NOX4: variants seen among roughly 807,000 people sequenced by gnomAD.
NOX4 encodes the protein kidney oxidase-1.
NOX4 carries 69 observed loss-of-function variants against 87.6 expected under a neutral mutation model. The observed-to-expected ratio is 0.79, with a 90% CI of 0.65 to 0.96. The LOEUF (loss-of-function observed/expected upper bound fraction) is 0.96, where lower values mean the gene tolerates loss of function less well. Among genes scored for constraint, NOX4 ranks in the 40% least tolerant of loss-of-function variants. The pLI is 0.00. For missense variants in NOX4, 680 were observed against 681.5 expected (o/e 1.00, Z 0.02); for synonymous variants, 275 against 238.2 (o/e 1.15, Z -1.42).
intron 2 of NOX4, among the ~76,000 whole-genome samples, chr11:89,467,138 G>A (rs973614528): frequency 6.6e-6 from 1 of 151,816 alleles, no homozygotes; most frequent in African/African-American, 2.4e-5. Context: ...CACGAGATCA[G>A]GAGATCGAGA....
At chr11:89,445,171 CA>C (rs1260873461) in intron 4 of NOX4, among the ~76,000 whole-genome samples, 1 of 152,046 alleles carries the variant, frequency 6.6e-6, no homozygotes, top group Non-Finnish European at 1.5e-5. Context: ...GTGACAGAAA[CA>C]AAAGGCTTAA....
At chr11:89,421,569 T>G (rs2135262770) in intron 8 of NOX4, among the ~76,000 whole-genome samples, 1 of 152,284 alleles carries the variant, frequency 6.6e-6, no homozygotes, top group Admixed American at 6.5e-5. Flanking sequence ...GAAATACAAA[T>G]ACTAAAATAT....
intron 7 of NOX4, among the ~76,000 whole-genome samples, chr11:89,425,125 C>T (rs1943305769): frequency 6.6e-6 from 1 of 151,966 alleles, no homozygotes; most frequent in African/African-American, 2.4e-5. Flanking sequence ...ATGTCAGATG[C>T]TCTAATTTTC....
chr11:89,481,013 C>T (rs933455027), intron 2 of NOX4, among the ~76,000 whole-genome samples: 3 of 152,002 alleles, frequency 2.0e-5, no homozygotes, highest in African/African-American at 7.2e-5. Context: ...TTCCTCTCTC[C>T]AGAGGATCAG....
At chr11:89,560,996 C>CTCTCTCTCTCTCTATATA in the NOX4 span, among the ~76,000 whole-genome samples, 1 of 40,822 alleles carries the variant, frequency 2.4e-5, no homozygotes, top group African/African-American at 1.3e-4. Context: ...CTCTCTCTCT[C>CTCTCTCTCTCTCTATATA]TATATATATA....
the NOX4 span, among the ~76,000 whole-genome samples, chr11:89,585,588 T>C: frequency 6.6e-6 from 1 of 152,288 alleles, no homozygotes; most frequent in African/African-American, 2.4e-5. Flanking sequence ...TATAAATTAA[T>C]GAGTGTTGCT....
At chr11:89,403,915 T>TG (rs2135193936) in intron 8 of NOX4, among the ~76,000 whole-genome samples, 1 of 152,288 alleles carries the variant, frequency 6.6e-6, no homozygotes, top group African/African-American at 2.4e-5. Flanking sequence ...CTTCCCTCTT[T>TG]GCTTATGCTC....
At chr11:89,461,525 G>A (rs895710086) in intron 2 of NOX4, among the ~76,000 whole-genome samples, 2 of 151,454 alleles carry the variant, frequency 1.3e-5, no homozygotes, top group African/African-American at 4.9e-5. Context: ...GGCACACGTA[G>A]TCCCAGCTAC....
chr11:89,426,201 C>T (rs913230988), intron 7 of NOX4, among the ~76,000 whole-genome samples: 1 of 152,114 alleles, frequency 6.6e-6, no homozygotes, highest in Non-Finnish European at 1.5e-5. Flanking sequence ...TACAGCAAGA[C>T]AAACTCATAT....
the NOX4 span, among the ~76,000 whole-genome samples, chr11:89,526,869 A>T: frequency 6.6e-6 from 1 of 152,190 alleles, no homozygotes; most frequent in African/African-American, 2.4e-5. Flanking sequence ...TGCTATAAAG[A>T]TGCCCAAAAA....
chr11:89,416,046 A>C (rs1420100833), intron 8 of NOX4, among the ~76,000 whole-genome samples: 1 of 152,132 alleles, frequency 6.6e-6, no homozygotes, highest in African/African-American at 2.4e-5. Flanking sequence ...AGTCTACATT[A>C]AAACAGTGCA....
intron 12 of NOX4, among the ~76,000 whole-genome samples, chr11:89,357,276 G>A (rs541067159): frequency 6.6e-6 from 1 of 151,822 alleles, no homozygotes; most frequent in African/African-American, 2.4e-5. Context: ...GAACTAATGA[G>A]ATCCAAACAC....
intron 12 of NOX4, among the ~76,000 whole-genome samples, chr11:89,366,566 C>T (rs867442237): frequency 1.3e-5 from 2 of 151,826 alleles, no homozygotes; most frequent in African/African-American, 4.8e-5. Flanking sequence ...GTCCCAGTTA[C>T]TCAGGAGGCT....
intron 2 of NOX4, among the ~76,000 whole-genome samples, chr11:89,461,288 C>T (rs1591314091): frequency 6.6e-6 from 1 of 150,916 alleles, no homozygotes; most frequent in African/African-American, 2.4e-5. Context: ...TGTACATGTA[C>T]CCTAAAACTT....
intron 6 of NOX4, among the ~76,000 whole-genome samples, chr11:89,436,020 G>A (rs1195274470): frequency 6.6e-6 from 1 of 152,006 alleles, no homozygotes. Context: ...AAAAGTCAGG[G>A]GTAACTGTTA....
chr11:89,466,615 TAGG>T (rs1260549927), intron 2 of NOX4, among the ~76,000 whole-genome samples: 1 of 152,202 alleles, frequency 6.6e-6, no homozygotes, highest in Non-Finnish European at 1.5e-5. Flanking sequence ...TTTGGGACAC[TAGG>T]AGTTCAATAG....
At chr11:89,452,893 G>T (rs532135013) in intron 2 of NOX4, among the ~76,000 whole-genome samples, 1 of 151,716 alleles carries the variant, frequency 6.6e-6, no homozygotes, top group African/African-American at 2.4e-5. Context: ...TAAAATCCAC[G>T]TTTAGTCAGG....
At chr11:89,547,856 T>C in the NOX4 span, among the ~76,000 whole-genome samples, 23 of 152,198 alleles carry the variant, frequency 1.5e-4, no homozygotes, top group African/African-American at 5.1e-4. Context: ...CATGCAGCAA[T>C]AGAACCCCAG....
chr11:89,451,247 C>G (rs184344266), intron 3 of NOX4, among the ~76,000 whole-genome samples: 1 of 152,256 alleles, frequency 6.6e-6, no homozygotes, highest in East Asian at 1.9e-4. Flanking sequence ...CTATTACACA[C>G]TTCAAAATGA....
Sources: allele counts gnomAD v4.1 joint callset (sites outside exome capture counted in the v4.1 genomes callset), GRCh38; gene constraint gnomAD v4.1.1; transcripts MANE v1.5; gene names NCBI Gene and HGNC (gene_info 2026-07-23, HGNC 2026-07-21).